The following RANBP2 variants were observed in gnomAD, a reference collection of about 807,000 sequenced individuals.
RANBP2 encodes E3 SUMO-protein ligase RanBP2.
In RANBP2, 57 loss-of-function variants were observed where a neutral mutation model predicts 303.6. The observed-to-expected ratio is 0.19, with a 90% CI of 0.15 to 0.23. RANBP2 has a LOEUF of 0.23. RANBP2 is among the 10% of genes least tolerant of loss of function. The pLI, the probability that RANBP2 is intolerant of heterozygous loss-of-function variation, is 1.00. For missense variants in RANBP2, 3,138 were observed against 3,780.8 expected, an observed-to-expected ratio of 0.83 and a Z score of 4.46; for synonymous variants, 1,167 against 1,301.5, an observed-to-expected ratio of 0.90 and a Z score of 2.23.
chr2:109,681,188 T>G, the RANBP2 span, among the ~76,000 whole-genome samples: 1 of 152,186 alleles, frequency 6.6e-6, no homozygotes, highest in South Asian at 2.1e-4. Flanking sequence ...GCATACTGGG[T>G]GGTTCAATTT....
chr2:109,723,875 T>G, the RANBP2 span, among the ~76,000 whole-genome samples: 10 of 152,372 alleles, frequency 6.6e-5, no homozygotes, highest in African/African-American at 2.4e-4. Context: ...TGCCTAGATT[T>G]TCTTCTAGCA....
chr2:109,628,004 C>T, the RANBP2 span, among the ~76,000 whole-genome samples: 1 of 152,034 alleles, frequency 6.6e-6, no homozygotes, highest in South Asian at 2.1e-4. Flanking sequence ...TGAGAGGGTG[C>T]GTATCTGTGT....
chr2:109,666,378 T>C, the RANBP2 span, among the ~76,000 whole-genome samples: 1 of 152,200 alleles, frequency 6.6e-6, no homozygotes, highest in Admixed American at 6.5e-5. Context: ...ACAGATAATA[T>C]GGAATATTAT....
the RANBP2 span, among the ~76,000 whole-genome samples, chr2:109,588,439 A>G: frequency 6.6e-6 from 1 of 152,194 alleles, no homozygotes; most frequent in East Asian, 1.9e-4. Context: ...CACAAAATAC[A>G]GGAGGACTGA....
chr2:108,829,087 C>T, the RANBP2 span, among the ~76,000 whole-genome samples: 1 of 152,156 alleles, frequency 6.6e-6, no homozygotes, highest in African/African-American at 2.4e-5. Flanking sequence ...TTAGATTTGG[C>T]AGTGATTATA....
the RANBP2 span, chr2:108,989,360 G>A: frequency 2.0e-5 from 3 of 152,686 alleles, no homozygotes; most frequent in Non-Finnish European, 2.9e-5. Context: ...CTGGCTCTCC[G>A]GCCGTCTGCC....
chr2:109,244,011 C>T, the RANBP2 span, among the ~76,000 whole-genome samples: 2 of 152,166 alleles, frequency 1.3e-5, no homozygotes, highest in Non-Finnish European at 2.9e-5. Context: ...AAGTTTTTGC[C>T]ATCAGCAGTG....
the RANBP2 span, among the ~76,000 whole-genome samples, chr2:109,267,416 C>T: frequency 8.5e-5 from 13 of 152,176 alleles, no homozygotes; most frequent in Non-Finnish European, 1.2e-4. Flanking sequence ...AAGAAAGAGA[C>T]GCAAAAGAGA....
the RANBP2 span, among the ~76,000 whole-genome samples, chr2:109,035,504 C>T: frequency 2.6e-5 from 4 of 151,822 alleles, no homozygotes; most frequent in East Asian, 7.8e-4. Flanking sequence ...CCGCCCTTAC[C>T]CTGGATGAGG....
chr2:109,453,661 C>T, the RANBP2 span, among the ~76,000 whole-genome samples: 2 of 152,172 alleles, frequency 1.3e-5, no homozygotes, highest in East Asian at 1.9e-4. Context: ...CCTGGCAGAG[C>T]GCAGGCACAC....
At chr2:109,165,751 C>A in the RANBP2 span, among the ~76,000 whole-genome samples, 8 of 152,112 alleles carry the variant, frequency 5.3e-5, no homozygotes, top group Non-Finnish European at 1.0e-4. Flanking sequence ...CCACTCAGAT[C>A]CTTCTTTTTT....
the RANBP2 span, among the ~76,000 whole-genome samples, chr2:109,325,692 TCTC>T: frequency 6.6e-6 from 1 of 152,298 alleles, no homozygotes; most frequent in African/African-American, 2.4e-5. Context: ...TGCCCACTCA[TCTC>T]CTGGTTTCCA....
the RANBP2 span, among the ~76,000 whole-genome samples, chr2:109,265,098 C>G: frequency 6.6e-6 from 1 of 152,114 alleles, no homozygotes; most frequent in South Asian, 2.1e-4. Context: ...TTAGACTTTG[C>G]CCACTTGAGG....
chr2:109,154,383 C>T, the RANBP2 span, among the ~76,000 whole-genome samples: 20 of 152,166 alleles, frequency 1.3e-4, no homozygotes, highest in Non-Finnish European at 2.2e-4. Flanking sequence ...AGTACAGATA[C>T]ACAGAAGGCC....
the RANBP2 span, among the ~76,000 whole-genome samples, chr2:109,377,485 C>T: frequency 6.6e-6 from 1 of 152,150 alleles, no homozygotes; most frequent in Non-Finnish European, 1.5e-5. Context: ...GACTCTGTGA[C>T]GCCAGACCCA....
chr2:109,465,033 C>T, the RANBP2 span, among the ~76,000 whole-genome samples: 119 of 152,310 alleles, frequency 7.8e-4, 1 homozygote, highest in African/African-American at 2.6e-3. Context: ...CATAGATTTG[C>T]CTTTTCTAGA....
chr2:109,027,242 C>A, the RANBP2 span, among the ~76,000 whole-genome samples: 788 of 80,762 alleles, frequency 9.8e-3, no homozygotes, highest in African/African-American at 0.012. Flanking sequence ...GGCTCTGTCT[C>A]AAAAAAAAAA....
At chr2:109,437,529 C>G in the RANBP2 span, among the ~76,000 whole-genome samples, 1 of 152,208 alleles carries the variant, frequency 6.6e-6, no homozygotes, top group Admixed American at 6.5e-5. Context: ...TCAAATGCCT[C>G]CCCCATGAAT....
chr2:108,935,384 A>C, the RANBP2 span, among the ~76,000 whole-genome samples: 1 of 152,164 alleles, frequency 6.6e-6, no homozygotes, highest in Non-Finnish European at 1.5e-5. Context: ...AGAAATGCAG[A>C]ATCTCAGCCC....
Sources: allele counts gnomAD v4.1 joint callset (sites outside exome capture counted in the v4.1 genomes callset), GRCh38; gene constraint gnomAD v4.1.1; transcripts MANE v1.5; gene names NCBI Gene and HGNC (gene_info 2026-07-23, HGNC 2026-07-21).